Variants in HCN1 observed in about 807,000 individuals in gnomAD.
HCN1 encodes the protein potassium/sodium hyperpolarization-activated cyclic nucleotide-gated channel 1.
Under a neutral mutation model 78.9 loss-of-function variants are expected in HCN1, and 13 were observed. The observed-to-expected ratio is 0.16, with a 90% CI of 0.11 to 0.26. The LOEUF is 0.26. HCN1 is among the 10% of genes least tolerant of loss of function. The pLI, the probability that HCN1 is intolerant of heterozygous loss-of-function variation, is 1.00. For missense variants in HCN1, 810 were observed against 1,154.3 expected (o/e 0.70, Z 4.32); for synonymous variants, 552 against 455.5 (o/e 1.21, Z -2.70).
intron 4 of HCN1, among the ~76,000 whole-genome samples, chr5:45,374,854 G>C (rs994556533): frequency 5.5e-5 from 8 of 145,386 alleles, no homozygotes; most frequent in Non-Finnish European, 9.0e-5. Flanking sequence ...AAGTGATTTT[G>C]TAAAACTTAT....
intron 4 of HCN1, among the ~76,000 whole-genome samples, chr5:45,373,210 A>G (rs1422202539): frequency 8.2e-6 from 1 of 122,236 alleles, no homozygotes; most frequent in Non-Finnish European, 1.6e-5. Flanking sequence ...TATTTTATAT[A>G]TGTTATATAT....
chr5:45,695,761 G>A lies in HCN1; in HGVS notation c.333C>T (p.Leu111=). The A allele has an allele frequency of 6.2e-7, 1 of 1,612,368 alleles. No homozygotes were observed. The highest frequency in any genetic ancestry group is 8.5e-7 in the Non-Finnish European group (1 of 1,179,702). The change falls in exon 1 of 8, where the codon CTC becomes CTT. Residue 111 remains leucine, a synonymous_variant. Coordinates refer to ENST00000303230, the MANE Select transcript of HCN1 (RefSeq NM_021072.4). ...CCGCCTTCTGGCTCCCAAACATGCG[G>A]AGGGAGAATTTGTTGACCCCGGGCT... ...MLQPGVNKFS[L]RMFGSQKAVE...
At chr5:45,461,793 G>T in intron 3 of HCN1, 53 bp downstream of exon 3, 1 of 1,448,964 alleles carries the variant, frequency 6.9e-7, no homozygotes, top group East Asian at 2.3e-5. Context: ...TTACTTAAAA[G>T]GTTTTGGCAC....
intron 5 of HCN1, among the ~76,000 whole-genome samples, chr5:45,326,003 T>A (rs1746226898): frequency 6.6e-6 from 1 of 151,688 alleles, no homozygotes; most frequent in Admixed American, 6.6e-5. Flanking sequence ...GGAGGGCTGA[T>A]GAATTGACAT....
chr5:45,474,725 A>T (rs1741477441), intron 2 of HCN1, among the ~76,000 whole-genome samples: 1 of 151,926 alleles, frequency 6.6e-6, no homozygotes, highest in Non-Finnish European at 1.5e-5. Context: ...TTTACTTGAA[A>T]AAGGTATAAT....
chr5:45,306,761 T>A (rs1745742816), intron 5 of HCN1, among the ~76,000 whole-genome samples: 1 of 152,092 alleles, frequency 6.6e-6, no homozygotes, highest in Non-Finnish European at 1.5e-5. Flanking sequence ...CAATTCAAAT[T>A]ACTTATGGCA....
intron 2 of HCN1, among the ~76,000 whole-genome samples, chr5:45,635,164 A>G (rs1745334846): frequency 6.6e-6 from 1 of 152,110 alleles, no homozygotes; most frequent in South Asian, 2.1e-4. Flanking sequence ...ATTATATCTT[A>G]TATAAATATG....
chr5:45,571,469 G>C (rs114142151), intron 2 of HCN1, among the ~76,000 whole-genome samples: 259 of 152,178 alleles, frequency 1.7e-3, no homozygotes, highest in Non-Finnish European at 3.0e-3. Flanking sequence ...TAGATGAAAC[G>C]CCAAAATAGA....
At chr5:45,677,361 C>A (rs958002412) in intron 1 of HCN1, among the ~76,000 whole-genome samples, 1 of 151,788 alleles carries the variant, frequency 6.6e-6, no homozygotes, top group Non-Finnish European at 1.5e-5. Context: ...AATTGCCTAT[C>A]TGTAGAGCCT....
chr5:45,462,898 A>G (rs926879658), intron 2 of HCN1, among the ~76,000 whole-genome samples: 11 of 152,032 alleles, frequency 7.2e-5, no homozygotes, highest in Non-Finnish European at 1.5e-4. Flanking sequence ...ACTGGCTGCT[A>G]ATATAGTTTC....
At chr5:45,350,605 T>A (rs2111979421) in intron 5 of HCN1, among the ~76,000 whole-genome samples, 1 of 151,658 alleles carries the variant, frequency 6.6e-6, no homozygotes, top group South Asian at 2.1e-4. Flanking sequence ...GCAGATGACA[T>A]GATTGTATAT....
intron 2 of HCN1, among the ~76,000 whole-genome samples, chr5:45,639,558 A>C (rs2112023509): frequency 6.6e-6 from 1 of 152,318 alleles, no homozygotes; most frequent in East Asian, 1.9e-4. Context: ...AATCCATTCC[A>C]TACCATCATA....
At chr5:45,670,128 CA>C (rs1231907908) in intron 1 of HCN1, among the ~76,000 whole-genome samples, 1 of 151,362 alleles carries the variant, frequency 6.6e-6, no homozygotes, top group Non-Finnish European at 1.5e-5. Context: ...ATACATTCAC[CA>C]AAATGGAGAA....
chr5:45,592,708 G>A (rs1461727884), intron 2 of HCN1, among the ~76,000 whole-genome samples: 1 of 152,084 alleles, frequency 6.6e-6, no homozygotes, highest in East Asian at 1.9e-4. Context: ...ATCACTGTAC[G>A]AATCCAAACC....
chr5:45,400,077 C>A (rs576193725), intron 3 of HCN1, among the ~76,000 whole-genome samples: 1 of 152,148 alleles, frequency 6.6e-6, no homozygotes, highest in South Asian at 2.1e-4. Context: ...AATGTAAAAT[C>A]TAATTCAAGA....
chr5:45,499,424 G>A (rs1742140395), intron 2 of HCN1, among the ~76,000 whole-genome samples: 1 of 152,172 alleles, frequency 6.6e-6, no homozygotes, highest in South Asian at 2.1e-4. Context: ...CCCAAGTGAG[G>A]CAATGCCTCG....
At chr5:45,660,024 GA>G (rs1156980069) in intron 1 of HCN1, among the ~76,000 whole-genome samples, 2 of 127,004 alleles carry the variant, frequency 1.6e-5, no homozygotes, top group Non-Finnish European at 3.3e-5. Context: ...AAGTTGAAAT[GA>G]AGGAAAAAAT....
chr5:45,430,808 C>A (rs149855380), intron 3 of HCN1, among the ~76,000 whole-genome samples: 4,605 of 151,926 alleles, frequency 0.03, 270 homozygotes, highest in African/African-American at 0.1. Context: ...GGCGACAGAG[C>A]GAGACTCTGC....
chr5:45,382,961 T>C (rs1024108295), intron 4 of HCN1, among the ~76,000 whole-genome samples: 6 of 152,182 alleles, frequency 3.9e-5, no homozygotes, highest in Admixed American at 6.5e-5. Flanking sequence ...GATCTTGTTT[T>C]TCTTATCTCT....
Sources: gnomAD v4.1 joint callset for allele counts (sites outside exome capture counted in the v4.1 genomes callset) on GRCh38, gnomAD v4.1.1 for gene constraint, MANE v1.5 for transcripts, NCBI Gene and HGNC (gene_info 2026-07-23, HGNC 2026-07-21) for gene names.